The following GPHN variants were observed in gnomAD, a reference collection of about 807,000 sequenced individuals.
GPHN encodes the protein gephyrin.
GPHN carries 17 observed loss-of-function variants against 95.5 expected under a neutral mutation model. That is an observed-to-expected ratio of 0.18 (90% confidence interval 0.12 to 0.27). The LOEUF (loss-of-function observed/expected upper bound fraction) is 0.27, where lower values mean the gene tolerates loss of function less well. GPHN is among the 10% of genes least tolerant of loss of function. The probability of loss-of-function intolerance (pLI) is 1.00; values close to 1 mark genes in which losing one functional copy is unlikely to be tolerated. For synonymous variants in GPHN, 320 were observed against 322.5 expected (o/e 0.99, Z 0.08); for missense variants, 660 against 978.1 (o/e 0.67, Z 4.34).
At chr14:67,324,780 C>T in the GPHN span, among the ~76,000 whole-genome samples, 1 of 151,484 alleles carries the variant, frequency 6.6e-6, no homozygotes. Context: ...GAGACAGGGT[C>T]TCGCTATGTT....
At chr14:67,457,255 G>C in the GPHN span, among the ~76,000 whole-genome samples, 1 of 152,038 alleles carries the variant, frequency 6.6e-6, no homozygotes, top group African/African-American at 2.4e-5. Context: ...TAAGAAACCT[G>C]CACATATACC....
intron 1 of GPHN, among the ~76,000 whole-genome samples, chr14:66,523,987 T>C (rs2058584350): frequency 6.6e-6 from 1 of 152,094 alleles, no homozygotes; most frequent in Non-Finnish European, 1.5e-5. Flanking sequence ...TAGAAGATGC[T>C]ATTTGTAGTG....
intron 2 of GPHN, among the ~76,000 whole-genome samples, chr14:66,724,756 G>T (rs1038499139): frequency 6.6e-6 from 1 of 152,162 alleles, no homozygotes; most frequent in Non-Finnish European, 1.5e-5. Context: ...TGAATATTTT[G>T]TGATAGCATG....
At chr14:67,403,224 C>T in the GPHN span, among the ~76,000 whole-genome samples, 6 of 152,196 alleles carry the variant, frequency 3.9e-5, no homozygotes, top group South Asian at 4.1e-4. Context: ...TGTCTTCTTT[C>T]GAGAAATGTC....
chr14:66,661,541 G>C (rs2065649352), intron 1 of GPHN, among the ~76,000 whole-genome samples: 1 of 152,166 alleles, frequency 6.6e-6, no homozygotes, highest in Admixed American at 6.5e-5. Flanking sequence ...CTGCTGTTTG[G>C]ACAGCTCAAC....
At position 67,110,143 on chromosome 14, in the gene GPHN, A is replaced by G. The variant is rs777470300; in HGVS notation, c.1297A>G (p.Thr433Ala). The G allele has an allele frequency of 2.5e-6, 4 of 1,613,372 alleles. No homozygotes were observed. The South Asian group carries it at 4.4e-5, about 18-fold the overall frequency. ...IGESQAGEQP[T>A]QTVMPGQVMR... ...TCTTTTTCATCTTTATTTCCAGCCA[A>G]CTCAGACAGTAATGCCAGGACAAGT... Residue 433 changes from threonine (T) to alanine (A), a missense_variant, in exon 14 of 23, where the codon ACT becomes GCT. Thr to Ala is a moderately conservative substitution (Grantham distance 58). Around this residue, in one of 6 missense-constraint regions of GPHN, gnomAD observed 257 missense variants for 376.2 expected, o/e 0.68. Coordinates refer to ENST00000478722, the MANE Select transcript of GPHN (RefSeq NM_020806.5).
intron 8 of GPHN, among the ~76,000 whole-genome samples, chr14:66,932,005 C>T (rs962916471): frequency 1.3e-5 from 2 of 152,096 alleles, no homozygotes; most frequent in Non-Finnish European, 2.9e-5. Context: ...GAAGGCTTTC[C>T]AAATACTCAA....
At chr14:67,450,801 A>G in the GPHN span, among the ~76,000 whole-genome samples, 2 of 152,226 alleles carry the variant, frequency 1.3e-5, no homozygotes, top group African/African-American at 4.8e-5. Flanking sequence ...CTGAGGAGAA[A>G]TTCAAGCTGG....
chr14:66,582,063 C>A (rs1247792396), intron 1 of GPHN, among the ~76,000 whole-genome samples: 1 of 151,978 alleles, frequency 6.6e-6, no homozygotes, highest in African/African-American at 2.4e-5. Context: ...AGCCTTCTAT[C>A]CAACAGTAGC....
chr14:66,725,364 C>CT (rs1457504098), intron 2 of GPHN, among the ~76,000 whole-genome samples: 1 of 152,140 alleles, frequency 6.6e-6, no homozygotes, highest in Non-Finnish European at 1.5e-5. Flanking sequence ...TAGTTCTAAT[C>CT]TTTTTTTCCC....
the GPHN span, among the ~76,000 whole-genome samples, chr14:67,436,380 G>A: frequency 6.6e-6 from 1 of 152,186 alleles, no homozygotes; most frequent in Non-Finnish European, 1.5e-5. Flanking sequence ...CCGTAAGGGA[G>A]AATACAAAGT....
chr14:67,332,512 G>A, the GPHN span, among the ~76,000 whole-genome samples: 1 of 152,142 alleles, frequency 6.6e-6, no homozygotes, highest in African/African-American at 2.4e-5. Flanking sequence ...AGTTTTGTTG[G>A]TGAGATAAGA....
At chr14:66,849,799 T>C (rs2062500260) in intron 4 of GPHN, among the ~76,000 whole-genome samples, 1 of 152,124 alleles carries the variant, frequency 6.6e-6, no homozygotes, top group Admixed American at 6.6e-5. Context: ...AAGAATTGGT[T>C]GTCAAGAAAT....
chr14:67,700,436 C>T, the GPHN span, among the ~76,000 whole-genome samples: 2 of 152,088 alleles, frequency 1.3e-5, no homozygotes, highest in Non-Finnish European at 2.9e-5. Flanking sequence ...TTACAGAAGG[C>T]CGGGCACAGT....
the GPHN span, among the ~76,000 whole-genome samples, chr14:67,293,627 A>C: frequency 6.6e-6 from 1 of 152,168 alleles, no homozygotes; most frequent in African/African-American, 2.4e-5. Context: ...CGGAGATTGA[A>C]ATAACATTAC....
At chr14:67,389,787 T>C in the GPHN span, among the ~76,000 whole-genome samples, 1 of 151,970 alleles carries the variant, frequency 6.6e-6, no homozygotes, top group East Asian at 1.9e-4. Flanking sequence ...TTTTTTTTTT[T>C]TTAAGTGTTT....
chr14:67,666,665 T>G, the GPHN span, among the ~76,000 whole-genome samples: 1 of 152,176 alleles, frequency 6.6e-6, no homozygotes, highest in African/African-American at 2.4e-5. Flanking sequence ...AGAGCTAGGA[T>G]GTACCTCAGC....
intron 3 of GPHN, among the ~76,000 whole-genome samples, chr14:66,806,771 G>T (rs1450147921): frequency 6.6e-6 from 1 of 152,158 alleles, no homozygotes; most frequent in Non-Finnish European, 1.5e-5. Flanking sequence ...GGACTTTATT[G>T]TCCATATTGC....
the GPHN span, among the ~76,000 whole-genome samples, chr14:67,325,040 G>A: frequency 1.3e-5 from 2 of 151,524 alleles, no homozygotes; most frequent in East Asian, 3.9e-4. Flanking sequence ...TAGCAGCTGG[G>A]ACTACAGGTG....
Sources: gnomAD v4.1 joint callset for allele counts (sites outside exome capture counted in the v4.1 genomes callset) on GRCh38, gnomAD v4.1.1 for gene constraint, gnomAD v4.1.1 regional missense constraint, MANE v1.5 for transcripts, NCBI Gene and HGNC (gene_info 2026-07-23, HGNC 2026-07-21) for gene names.